TNRC18: variants seen among roughly 807,000 people sequenced by gnomAD.
The protein encoded by TNRC18 is trinucleotide repeat-containing gene 18 protein.
A neutral mutation model predicts 226.7 loss-of-function variants in TNRC18; 69 were observed. The ratio of observed to expected loss-of-function variants is 0.30; its 90% CI spans 0.25 to 0.37. The LOEUF is 0.37. TNRC18 is among the 10% of genes least tolerant of loss of function. The pLI is 1.00. For synonymous variants in TNRC18, 2,449 were observed against 1,927.6 expected (o/e 1.27, Z -7.09); for missense variants, 4,754 against 4,256.6 (o/e 1.12, Z -3.25).
Position 5,313,424 on chromosome 7 carries a change from C to T in TNRC18, c.7467G>A (p.Ala2489=), listed in dbSNP as rs371177133. The change falls in exon 27 of 30, where the codon GCG becomes GCA. Residue 2489 remains alanine (A), a synonymous_variant. Coordinates refer to ENST00000430969, the MANE Select transcript of TNRC18 (RefSeq NM_001080495.3). Reference sequence around the variant, plus strand: ...GGCTCTTGGGCTCCTGCCAGCCCCCCGCCCCCGGATCCTCCCGGAGCAGCA... The same window carrying T: ...GGCTCTTGGGCTCCTGCCAGCCCCCTGCCCCCGGATCCTCCCGGAGCAGCA... The part of the protein sequence containing the change: ...EALLLREDPG[A]GGWQEPKSLL... 382 of 1,606,538 alleles carry T rather than the reference C, an allele frequency of 2.4e-4. 1 individual carries two copies. Among genetic ancestry groups the T allele is most frequent in the Middle Eastern group, 2.3e-3 (12 of 5,128 alleles).
chr7:5,351,701 C>T (rs778567946), intron 17 of TNRC18, 118 bp downstream of exon 17: 220 of 1,196,440 alleles, frequency 1.8e-4, no homozygotes, highest in Non-Finnish European at 2.3e-4. Flanking sequence ...TGCGGCCATC[C>T]GCACGGGCCT....
At chr7:5,328,364 C>A (rs1214109272) in intron 19 of TNRC18, among the ~76,000 whole-genome samples, 2 of 151,950 alleles carry the variant, frequency 1.3e-5, no homozygotes, top group Non-Finnish European at 2.9e-5. Context: ...CCCATCTGCA[C>A]GAAAATAATT....
At position 5,312,243 on chromosome 7, in the gene TNRC18, C is replaced by T. The variant is rs1787300183; in HGVS notation, c.8388+260G>A. Among the ~76,000 whole-genome samples, 1 of 152,232 alleles carries T rather than the reference C, an allele frequency of 6.6e-6. No individual in the cohort carries two copies. The highest frequency in any genetic ancestry group is 1.5e-5 in the Non-Finnish European group (1 of 68,036). On this transcript the variant is annotated intron_variant, in intron 27 of 29. Coordinates refer to ENST00000430969, the MANE Select transcript of TNRC18 (RefSeq NM_001080495.3). This position sits in a 1 kb window ranked among gnomAD's most constrained non-coding sequence, Gnocchi z 6.3. ...TTGCACGTTTCCTTCATCTGGGCTCCACGAGGGTGGCTCTGCGTCCCGGGA... is the reference window on the plus strand; with the variant it reads ...TTGCACGTTTCCTTCATCTGGGCTCTACGAGGGTGGCTCTGCGTCCCGGGA...
Position 5,345,599 on chromosome 7 carries a change from C to T in TNRC18, c.5682G>A (p.Gln1894=). 6.7e-7 allele frequency: 1 copy of T among 1,483,032 alleles called. No homozygotes were observed. 91.9% of individuals were successfully genotyped at this position (1,483,032 alleles called of 1,614,324 possible). The change falls in exon 18 of 30, where the codon CAG becomes CAA. Residue 1894 remains glutamine (Q), a synonymous_variant. Coordinates refer to ENST00000430969, the MANE Select transcript of TNRC18 (RefSeq NM_001080495.3). ...SLSVVQLEAK[Q]KARKKEERQS... is the part of the protein sequence containing the mutation. Reference sequence around the variant, plus strand: ...GCCGCTCCTCTTTCTTCCGGGCCTTCTGCTTGGCCTCCAGCTGTACCACAG... The same window carrying T: ...GCCGCTCCTCTTTCTTCCGGGCCTTTTGCTTGGCCTCCAGCTGTACCACAG...
intron 2 of TNRC18, among the ~76,000 whole-genome samples, chr7:5,403,761 G>T (rs1781272062): frequency 6.6e-6 from 1 of 151,748 alleles, no homozygotes; most frequent in African/African-American, 2.4e-5. Context: ...CTGCACACCA[G>T]CCTGGGCAAC....
At chr7:5,341,297 T>C (rs1790657532) in intron 18 of TNRC18, among the ~76,000 whole-genome samples, 1 of 150,578 alleles carries the variant, frequency 6.6e-6, no homozygotes, top group Admixed American at 6.7e-5. Flanking sequence ...CGGGCACCTG[T>C]AGTCTCACCT....
chr7:5,356,290 A>G (rs553672885), intron 16 of TNRC18, among the ~76,000 whole-genome samples: 3 of 151,898 alleles, frequency 2.0e-5, no homozygotes, highest in Non-Finnish European at 2.9e-5. Context: ...ACCCGAGCGC[A>G]CACACTCCCC....
intron 24 of TNRC18, among the ~76,000 whole-genome samples, chr7:5,318,643 A>G (rs1464987797): frequency 1.3e-5 from 2 of 152,138 alleles, no homozygotes; most frequent in Non-Finnish European, 2.9e-5. Context: ...TCTAGGGATA[A>G]TGAGAAGATC....
In TNRC18 at chr7:5,309,828, T is replaced by C. The variant is rs1235682536; in HGVS notation, c.8389-460A>G. On this transcript the variant is annotated intron_variant, in intron 27 of 29. Coordinates refer to ENST00000430969, the MANE Select transcript of TNRC18 (RefSeq NM_001080495.3). This position sits in a 1 kb window ranked among gnomAD's most constrained non-coding sequence, Gnocchi z 5.7. The stretch of plus-strand genomic sequence containing the variant: ...TGTTGCCCAGGATGGTCTCAGACTT[T>C]TGGCCTCAAACCACCCTCCCACCTT... Among the ~76,000 whole-genome samples, 1 of 152,190 alleles carries C rather than the reference T, an allele frequency of 6.6e-6. No homozygotes were observed. The highest frequency in any genetic ancestry group is 2.1e-4 in the South Asian group (1 of 4,830).
intron 17 of TNRC18, among the ~76,000 whole-genome samples, chr7:5,346,942 T>G (rs983184917): frequency 6.6e-6 from 1 of 152,100 alleles, no homozygotes; most frequent in Non-Finnish European, 1.5e-5. Context: ...CTGTGACTCT[T>G]CACTCATGGG....
intron 16 of TNRC18, 84 bp downstream of exon 16, chr7:5,356,832 G>A (rs958054812): frequency 1.5e-5 from 22 of 1,435,612 alleles, no homozygotes; most frequent in East Asian, 5.0e-5. Context: ...GTGAGGGGCG[G>A]GGGGGGAAGG....
chr7:5,337,451 T>C (rs1265490502), intron 18 of TNRC18, among the ~76,000 whole-genome samples: 2 of 148,702 alleles, frequency 1.3e-5, no homozygotes, highest in African/African-American at 5.0e-5. Flanking sequence ...GCCATTGCAC[T>C]CCAGCCTGGG....
chr7:5,347,643 T>C (rs1236549683), intron 17 of TNRC18, among the ~76,000 whole-genome samples: 1 of 151,958 alleles, frequency 6.6e-6, no homozygotes, highest in Non-Finnish European at 1.5e-5. Flanking sequence ...CCAGCCTGGG[T>C]GACAGAGCGA....
In TNRC18 at chr7:5,370,527, G is replaced by A; in HGVS notation, c.4067C>T (p.Pro1356Leu). 1 of 1,602,608 alleles carries A rather than the reference G, an allele frequency of 6.2e-7. No homozygotes were observed. Among genetic ancestry groups the A allele is most frequent in the Non-Finnish European group, 8.5e-7 (1 of 1,175,036 alleles). The change falls in exon 11 of 30, where the codon CCT becomes CTT. Residue 1356 changes from proline (P) to leucine (L), a missense_variant. Physicochemically the swap from Pro to Leu is moderately conservative, Grantham distance 98. Coordinates refer to ENST00000430969, the MANE Select transcript of TNRC18 (RefSeq NM_001080495.3). ...AAAAELPQAR[P>L]LPSPGAAGAQ... ...TCCAGCAGCACCCGGGGAGGGCAGA[G>A]GCCTGGCCTGGGGCAGCTCCGCAGC...
chr7:5,310,202 C>CT (rs960834253), intron 27 of TNRC18, among the ~76,000 whole-genome samples: 19 of 151,030 alleles, frequency 1.3e-4, no homozygotes, highest in African/African-American at 4.7e-4. Flanking sequence ...CACACCTGGC[C>CT]TTTTTTATCT....
chr7:5,378,112 G>T, intron 5 of TNRC18, 88 bp from the exon 6 acceptor site: 2 of 1,006,800 alleles, frequency 2.0e-6, no homozygotes, highest in South Asian at 1.4e-5. Context: ...CCCTCCCTGG[G>T]CCCCCCAGAG....
Position 5,332,745 on chromosome 7 carries a change from C to T in TNRC18, c.6024G>A (p.Ser2008=), listed in dbSNP as rs994666674. Residue 2008 remains serine, a synonymous_variant, in exon 19 of 30, where the codon TCG becomes TCA. Coordinates refer to ENST00000430969, the MANE Select transcript of TNRC18 (RefSeq NM_001080495.3). The part of the protein sequence containing the change: ...RSERIFLHDA[S]AAAPAPVSTA... ...TGCTGACGGGCGCAGGTGCAGCAGC[C>T]GAGGCGTCGTGCAGGAAGATGCGCT... is the stretch of plus-strand genomic sequence containing the variant. 3 of 1,521,276 alleles carry T rather than the reference C, an allele frequency of 2.0e-6. No homozygotes were observed. Among genetic ancestry groups the T allele is most frequent in the East Asian group, 5.1e-5 (2 of 39,374 alleles). 94.2% of individuals were successfully genotyped at this position (1,521,276 alleles called of 1,614,324 possible). A position where few individuals can be genotyped will look rare whatever the true frequency, so the allele number is the denominator to read the frequency against.
rs1786954853 is a variant in TNRC18 at position 5,309,408 on chromosome 7, G to A, written c.8389-40C>T. 1 of 1,536,152 alleles carries A rather than the reference G, an allele frequency of 6.5e-7. No homozygotes were observed. Among genetic ancestry groups the A allele is most frequent in the Non-Finnish European group, 8.8e-7 (1 of 1,136,010 alleles). On this transcript the variant is annotated intron_variant, in intron 27 of 29. Coordinates refer to ENST00000430969, the MANE Select transcript of TNRC18 (RefSeq NM_001080495.3). The surrounding 1 kb of genome is among the most constrained non-coding windows in gnomAD (Gnocchi z 5.7). ...GTGTCACGGCACAGGCCCTGGCCCA[G>A]CCCCAAGGAGCCCGCCGCCTGGCAG...
In TNRC18 at chr7:5,371,066, C is replaced by G. The variant is rs199711412; in HGVS notation, c.3528G>C (p.Glu1176Asp). Residue 1176 changes from glutamate (E) to aspartate (D), a missense_variant, in exon 11 of 30, where the codon GAG becomes GAC. Glu to Asp is a conservative substitution (Grantham distance 45). Transcript: ENST00000430969. ...CCGCGGCGGGCAGTGGCAGCGGCGA[C>G]TCCAGAGGCGGCAGCTCTGTGGGGC... Reference protein sequence around the residue: ...DEGPTELPPLESPLPLPAAEA... With the variant: ...DEGPTELPPLDSPLPLPAAEA... 7.6e-4 allele frequency: 1,222 copies of G among 1,611,480 alleles called. 13 individuals are homozygous for G. The African/African-American group carries it at 0.014, about 18-fold the overall frequency.
Sources: allele counts gnomAD v4.1 joint callset (sites outside exome capture counted in the v4.1 genomes callset), GRCh38; gene constraint gnomAD v4.1.1; non-coding constraint Gnocchi (gnomAD v3.1); transcripts MANE v1.5; gene names NCBI Gene and HGNC (gene_info 2026-07-23, HGNC 2026-07-21).